TRPM7: variants seen among roughly 807,000 people sequenced by gnomAD.
TRPM7 encodes LTRPC ion channel family member 7.
A neutral mutation model predicts 229.7 loss-of-function variants in TRPM7; 134 were observed. The ratio of observed to expected loss-of-function variants is 0.58; its 90% CI spans 0.51 to 0.67. The LOEUF is 0.67. TRPM7 is among the 30% of genes least tolerant of loss of function. The probability of loss-of-function intolerance (pLI) is 0.00; values close to 1 mark genes in which losing one functional copy is unlikely to be tolerated. For missense variants in TRPM7, 1,901 were observed against 2,210.0 expected, an observed-to-expected ratio of 0.86 and a Z score of 2.80; for synonymous variants, 699 against 715.2, an observed-to-expected ratio of 0.98 and a Z score of 0.36.
At chr15:50,602,537 C>T (rs1184913652) in intron 21 of TRPM7, among the ~76,000 whole-genome samples, 1 of 152,136 alleles carries the variant, frequency 6.6e-6, no homozygotes, top group East Asian at 1.9e-4. Context: ...TTTGTGAAAG[C>T]CTTCATGACA....
chr15:50,563,630 A>G (rs1413200618), intron 38 of TRPM7, among the ~76,000 whole-genome samples: 1 of 152,250 alleles, frequency 6.6e-6, no homozygotes, highest in African/African-American at 2.4e-5. Flanking sequence ...GTAACCATTA[A>G]TAAGATAGGG....
At chr15:50,585,413 A>G (rs1355521775) in intron 28 of TRPM7, among the ~76,000 whole-genome samples, 1 of 152,218 alleles carries the variant, frequency 6.6e-6, no homozygotes, top group Non-Finnish European at 1.5e-5. Context: ...TAAAACAGAA[A>G]CAGTAACAGT....
chr15:50,654,352 C>G (rs2061500240), intron 3 of TRPM7, among the ~76,000 whole-genome samples: 1 of 151,188 alleles, frequency 6.6e-6, no homozygotes, highest in Non-Finnish European at 1.5e-5. Flanking sequence ...GAGGCTAAGG[C>G]AGGAGAATTG....
At chr15:50,625,086 AT>A (rs1348375814) in intron 11 of TRPM7, among the ~76,000 whole-genome samples, 1 of 152,216 alleles carries the variant, frequency 6.6e-6, no homozygotes, top group African/African-American at 2.4e-5. Flanking sequence ...GAAATCAAAT[AT>A]TGGTAAATTA....
intron 36 of TRPM7, 31 bp downstream of exon 36, chr15:50,574,243 T>C: frequency 1.9e-6 from 3 of 1,558,702 alleles, no homozygotes; most frequent in Non-Finnish European, 2.7e-6. Context: ...TACTGCAGAA[T>C]TTCACCTTAG....
In TRPM7 at chr15:50,561,537, AC is replaced by A. The variant is rs2053311205; in HGVS notation, c.*140del. ...GATTAATCAGGTCAAAAGAATATTG[AC>A]CTTTTAACTGTGCTGGAGTCAGCAA... On this transcript the variant is annotated 3_prime_UTR_variant, in exon 39 of 39. Coordinates refer to ENST00000646667, the MANE Select transcript of TRPM7 (RefSeq NM_017672.6). 1 of 840,248 alleles carries A rather than the reference AC, an allele frequency of 1.2e-6. No homozygotes were observed. The highest frequency in any genetic ancestry group is 1.8e-6 in the Non-Finnish European group (1 of 553,398). 52.0% of individuals were successfully genotyped at this position (840,248 alleles called of 1,614,324 possible).
At chr15:50,583,582 T>TTTG (rs201352041) in intron 28 of TRPM7, among the ~76,000 whole-genome samples, 65 of 140,656 alleles carry the variant, frequency 4.6e-4, no homozygotes, top group Middle Eastern at 3.5e-3. Flanking sequence ...AGAGTTTTGT[T>TTTG]TTTTTTTTTT....
chr15:50,617,592 G>A (rs2060263519), intron 13 of TRPM7, among the ~76,000 whole-genome samples: 2 of 148,670 alleles, frequency 1.3e-5, no homozygotes, highest in Admixed American at 6.7e-5. Context: ...TAAAGAAAAT[G>A]AAAACAGAAA....
intron 24 of TRPM7, 122 bp downstream of exon 24, chr15:50,594,307 A>C: frequency 1.1e-6 from 1 of 915,094 alleles, no homozygotes; most frequent in Non-Finnish European, 1.6e-6. Context: ...AGGCATATTT[A>C]ACAAAAATCT....
chr15:50,557,820 T>A lies in TRPM7; in HGVS notation c.*3858A>T, dbSNP rs925406251. 6.6e-6 allele frequency: 1 copy of A among 152,254 alleles called. No individual in the cohort carries two copies. Among genetic ancestry groups the A allele is most frequent in the Non-Finnish European group, 1.5e-5 (1 of 68,080 alleles). The allele number at this position is 152,254 out of a possible 1,614,324, so 9.4% of individuals were successfully genotyped here. A position where few individuals can be genotyped will look rare whatever the true frequency, so the allele number is the denominator to read the frequency against. On this transcript the variant is annotated 3_prime_UTR_variant, in exon 39 of 39. Transcript: ENST00000646667. The stretch of plus-strand genomic sequence containing the variant: ...CACCACACCCAGATAATTTTTGTAT[T>A]TTTAGTAGAGACGGGGTTTCACCAT...
At chr15:50,672,898 CAAAAAAAAAAAAAAAA>C (rs35153596) in intron 1 of TRPM7, among the ~76,000 whole-genome samples, 1 of 26,218 alleles carries the variant, frequency 3.8e-5, no homozygotes, top group Non-Finnish European at 7.0e-5. Context: ...GACTCTGTCT[CAAAAAAAAAAAAAAAA>C]AAAAAAAAAA....
rs1423073242 is a variant in TRPM7 at position 50,586,421 on chromosome 15, C to T, written c.4457G>A (p.Arg1486Lys). 1 of 1,612,902 alleles carries T rather than the reference C, an allele frequency of 6.2e-7. No individual in the cohort carries two copies. Among genetic ancestry groups the T allele is most frequent in the Middle Eastern group, 1.7e-4 (1 of 6,052 alleles). Residue 1486 changes from arginine (R) to lysine (K), a missense_variant, in exon 28 of 39, where the codon AGA (arginine) becomes AAA (lysine). Transcript: ENST00000646667. The stretch of plus-strand genomic sequence containing the variant: ...TTTTGAATGAACAGGAATGGAAGTT[C>T]TGTGACAGTCAGTAAATCCAGCAAG... Reference protein sequence around the residue: ...SSLAGFTDCHRTSIPVHSKQA... With the variant: ...SSLAGFTDCHKTSIPVHSKQA...
chr15:50,640,549 G>C (rs1166723247), intron 5 of TRPM7, among the ~76,000 whole-genome samples: 3 of 150,712 alleles, frequency 2.0e-5, no homozygotes, highest in African/African-American at 7.4e-5. Context: ...GCCTCCCAAA[G>C]TGCTGGGATT....
chr15:50,627,242 C>G (rs1174855771), intron 11 of TRPM7, among the ~76,000 whole-genome samples: 1 of 151,928 alleles, frequency 6.6e-6, no homozygotes, highest in Non-Finnish European at 1.5e-5. Flanking sequence ...TAAATAATAG[C>G]TACATTATAT....
At chr15:50,588,477 T>C (rs950155192) in intron 27 of TRPM7, among the ~76,000 whole-genome samples, 1 of 152,218 alleles carries the variant, frequency 6.6e-6, no homozygotes, top group Non-Finnish European at 1.5e-5. Context: ...AAAAATGCAT[T>C]TGAGTCTACT....
chr15:50,613,204 C>T (rs1281195328), intron 15 of TRPM7, among the ~76,000 whole-genome samples: 1 of 152,026 alleles, frequency 6.6e-6, no homozygotes, highest in East Asian at 1.9e-4. Context: ...TATTATCATA[C>T]CTAAATATGA....
At chr15:50,597,492 G>T (rs2059663635) in intron 22 of TRPM7, among the ~76,000 whole-genome samples, 1 of 152,178 alleles carries the variant, frequency 6.6e-6, no homozygotes, top group African/African-American at 2.4e-5. Flanking sequence ...ATAATTTTAT[G>T]AATCTATTTC....
chr15:50,678,618 CAACT>C (rs1423461310), intron 1 of TRPM7, among the ~76,000 whole-genome samples: 1 of 151,030 alleles, frequency 6.6e-6, no homozygotes, highest in Non-Finnish European at 1.5e-5. Context: ...GCCAACTACT[CAACT>C]AATTAATAAT....
At chr15:50,675,457 A>T (rs995543249) in intron 1 of TRPM7, among the ~76,000 whole-genome samples, 2 of 152,114 alleles carry the variant, frequency 1.3e-5, no homozygotes, top group African/African-American at 4.8e-5. Flanking sequence ...ATGTACATAC[A>T]TTCTTCCCAC....
Sources: allele counts gnomAD v4.1 joint callset (sites outside exome capture counted in the v4.1 genomes callset), GRCh38; gene constraint gnomAD v4.1.1; transcripts MANE v1.5; gene names NCBI Gene and HGNC (gene_info 2026-07-23, HGNC 2026-07-21).